CCDC125: variants seen among roughly 807,000 people sequenced by gnomAD.
The protein encoded by CCDC125 is coiled-coil domain containing 125.
CCDC125 carries 43 observed loss-of-function variants against 57.4 expected under a neutral mutation model. The ratio of observed to expected loss-of-function variants is 0.75; its 90% CI spans 0.59 to 0.97. The LOEUF (loss-of-function observed/expected upper bound fraction) is 0.97. CCDC125 is among the 50% of genes least tolerant of loss of function. CCDC125 has a pLI of 0.00. For missense variants in CCDC125, 563 were observed against 595.7 expected (o/e 0.95, Z 0.57); for synonymous variants, 187 against 195.2 (o/e 0.96, Z 0.35).
chr5:69,297,809 A>C (rs1755639447), intron 8 of CCDC125, among the ~76,000 whole-genome samples: 1 of 151,150 alleles, frequency 6.6e-6, no homozygotes, highest in South Asian at 2.1e-4. Context: ...AAAAATAAAA[A>C]AAAAACATTA....
At chr5:69,292,874 T>C (rs1005890524) in intron 9 of CCDC125, among the ~76,000 whole-genome samples, 1 of 151,644 alleles carries the variant, frequency 6.6e-6, no homozygotes, top group Non-Finnish European at 1.5e-5. Context: ...GGAGTCTCGC[T>C]CTGTCGCCCA....
At chr5:69,297,992 A>T (rs1004283490) in intron 8 of CCDC125, among the ~76,000 whole-genome samples, 15 of 149,646 alleles carry the variant, frequency 1.0e-4, no homozygotes, top group African/African-American at 3.7e-4. Flanking sequence ...ACAAAACAAA[A>T]AAATAAATAA....
chr5:69,330,541 C>A (rs1420653854), intron 1 of CCDC125, among the ~76,000 whole-genome samples: 1 of 151,872 alleles, frequency 6.6e-6, no homozygotes, highest in African/African-American at 2.4e-5. Context: ...TTGCAGTGAG[C>A]CGAGATTGCA....
chr5:69,287,587 T>C (rs1463568446), intron 10 of CCDC125, among the ~76,000 whole-genome samples: 1 of 151,616 alleles, frequency 6.6e-6, no homozygotes, highest in Non-Finnish European at 1.5e-5. Flanking sequence ...TTTTTTTTTT[T>C]GAGACAGGGT....
chr5:69,278,520 C>A (rs1305672153), downstream of CCDC125, among the ~76,000 whole-genome samples: 1 of 151,880 alleles, frequency 6.6e-6, no homozygotes, highest in East Asian at 1.9e-4. Context: ...GCCAATACTT[C>A]ACTTTATTTC....
At chr5:69,300,180 A>T in intron 7 of CCDC125, 53 bp from the exon 8 acceptor site, 1 of 1,258,770 alleles carries the variant, frequency 7.9e-7, no homozygotes, top group Non-Finnish European at 1.2e-6. Context: ...CTCCACCCTC[A>T]TCCAATCTAG....
intron 6 of CCDC125, among the ~76,000 whole-genome samples, chr5:69,306,381 T>C (rs553395173): frequency 1.5e-4 from 23 of 152,316 alleles, no homozygotes; most frequent in African/African-American, 5.5e-4. Flanking sequence ...CAGGCTGAAG[T>C]GCAGTGGCGC....
downstream of CCDC125, chr5:69,276,474 A>C (rs1752151763): frequency 2.9e-6 from 4 of 1,381,526 alleles, no homozygotes; most frequent in African/African-American, 1.4e-5. Context: ...ATAATCTTGA[A>C]GGTAAGATTT....
chr5:69,286,525 G>A (rs150565928), intron 10 of CCDC125, among the ~76,000 whole-genome samples: 7 of 151,562 alleles, frequency 4.6e-5, no homozygotes, highest in Non-Finnish European at 8.8e-5. Flanking sequence ...GAGCCACCGC[G>A]CCCGGCCAAC....
At chr5:69,301,568 C>T (rs1176023124) in intron 7 of CCDC125, among the ~76,000 whole-genome samples, 1 of 151,966 alleles carries the variant, frequency 6.6e-6, no homozygotes, top group African/African-American at 2.4e-5. Context: ...AACCCCGTCT[C>T]TACAGAAAGA....
intron 7 of CCDC125, among the ~76,000 whole-genome samples, chr5:69,300,445 T>C (rs948627765): frequency 6.6e-6 from 1 of 152,222 alleles, no homozygotes; most frequent in Admixed American, 6.5e-5. Flanking sequence ...TCAGAGACTT[T>C]ATGGTTAGTG....
intron 4 of CCDC125, chr5:69,308,809 AC>A (rs2150497285): frequency 6.3e-6 from 1 of 158,620 alleles, no homozygotes; most frequent in African/African-American, 2.4e-5. Context: ...CTTTCTAGAG[AC>A]TTGTTGAGTG....
chr5:69,292,175 A>C lies in CCDC125; in HGVS notation c.1099+13T>G. On this transcript the variant is annotated intron_variant, in intron 10 of 11. Transcript: ENST00000396496. ...AATTACACCCACTTATTGCCATTAT[A>C]ATTCATAGTTACCATCCTCTTTAAG... 6.3e-7 allele frequency: 1 copy of C among 1,598,030 alleles called. No homozygotes were observed. Among genetic ancestry groups the C allele is most frequent in the South Asian group, 1.1e-5 (1 of 88,732 alleles).
chr5:69,291,314 C>A (rs977785170), intron 10 of CCDC125, among the ~76,000 whole-genome samples: 1 of 151,788 alleles, frequency 6.6e-6, no homozygotes, highest in African/African-American at 2.4e-5. Context: ...TTCTCTCATG[C>A]TATTTTAATA....
At chr5:69,277,355 A>G (rs1368972449), downstream of CCDC125, 1 of 403,592 alleles carries the variant, frequency 2.5e-6, no homozygotes, top group Non-Finnish European at 4.5e-6. Context: ...AAAGTTCAAT[A>G]CTCTTGAAAT....
chr5:69,278,430 G>A (rs552102440), downstream of CCDC125, among the ~76,000 whole-genome samples: 4 of 150,818 alleles, frequency 2.7e-5, no homozygotes, highest in Non-Finnish European at 5.9e-5. Context: ...GGCCAGGCTG[G>A]TCTCGAACTC....
At chr5:69,298,619 G>A (rs13359000) in intron 8 of CCDC125, among the ~76,000 whole-genome samples, 1,652 of 152,208 alleles carry the variant, frequency 0.011, 16 homozygotes, top group Middle Eastern at 0.034. Context: ...ACGGGTTGCG[G>A]CCAGGACCCC....
chr5:69,312,260 G>A (rs1281550464), intron 3 of CCDC125, among the ~76,000 whole-genome samples: 1 of 152,184 alleles, frequency 6.6e-6, no homozygotes, highest in African/African-American at 2.4e-5. Flanking sequence ...CAGAAGCTAG[G>A]AAGAGGCAAA....
intron 1 of CCDC125, among the ~76,000 whole-genome samples, chr5:69,332,371 C>G (rs1396606288): frequency 9.9e-5 from 15 of 152,154 alleles, no homozygotes; most frequent in South Asian, 2.1e-4. Flanking sequence ...ATTTTTTCCA[C>G]TAATGTCTTT....
Sources: allele counts gnomAD v4.1 joint callset (sites outside exome capture counted in the v4.1 genomes callset), GRCh38; gene constraint gnomAD v4.1.1; transcripts MANE v1.5; gene names NCBI Gene and HGNC (gene_info 2026-07-23, HGNC 2026-07-21).